Variants in MDGA1 observed in about 807,000 individuals in gnomAD.
MDGA1 encodes MAM domain-containing glycosylphosphatidylinositol anchor protein 1.
MDGA1 carries 54 observed loss-of-function variants against 101.5 expected under a neutral mutation model. The observed-to-expected ratio is 0.53, with a 90% CI of 0.43 to 0.67. The LOEUF is 0.67. Among genes scored for constraint, MDGA1 ranks in the 30% least tolerant of loss-of-function variants. The pLI is 0.00. For synonymous variants in MDGA1, 533 were observed against 558.3 expected (o/e 0.95, Z 0.64); for missense variants, 1,083 against 1,323.8 (o/e 0.82, Z 2.82).
At position 37,649,283 on chromosome 6, in the gene MDGA1, C is replaced by T; in HGVS notation, c.1610-17G>A. The T allele has an allele frequency of 6.8e-7, 1 of 1,467,630 alleles. No individual in the cohort carries two copies. The highest frequency in any genetic ancestry group is 1.5e-5 in the African/African-American group (1 of 68,024). 90.9% of individuals were successfully genotyped at this position (1,467,630 alleles called of 1,614,324 possible). A position where few individuals can be genotyped will look rare whatever the true frequency, so the allele number is the denominator to read the frequency against. On this transcript the variant is annotated splice_polypyrimidine_tract_variant and intron_variant, in intron 8 of 16. Coordinates refer to ENST00000434837, the MANE Select transcript of MDGA1 (RefSeq NM_153487.4). ...CCGGCGGGACTGGGGGCGGGAGCGG[C>T]GGTCAGCGGGGCCTCTCCCCAGCGA...
At chr6:37,681,651 G>A (rs1258483813) in intron 1 of MDGA1, among the ~76,000 whole-genome samples, 1 of 152,228 alleles carries the variant, frequency 6.6e-6, no homozygotes, top group East Asian at 1.9e-4. Context: ...CAAATAATGT[G>A]CACTTGCACG....
At chr6:37,637,899 G>T in intron 16 of MDGA1, 1 of 528,628 alleles carries the variant, frequency 1.9e-6, no homozygotes, top group East Asian at 3.1e-5. Flanking sequence ...GAAGGCACAC[G>T]TTCACCTCTG....
At position 37,664,846 on chromosome 6, in the gene MDGA1, C is replaced by G. The variant is rs189505848; in HGVS notation, c.68-740G>C. Among the ~76,000 whole-genome samples the G allele has an allele frequency of 8.4e-3, 528 of 62,602 alleles. 2 individuals are homozygous for G. Among genetic ancestry groups the G allele is most frequent in the Middle Eastern group, 0.019 (2 of 104 alleles). 41.1% of individuals were successfully genotyped at this position (62,602 alleles called of 152,430 possible). ...CTTTTAGAGAGCCTAACCTAAGACA[C>G]ACACACACACACACACACACACACA... is the stretch of plus-strand genomic sequence containing the variant. On this transcript the variant is annotated intron_variant, in intron 1 of 16. Coordinates refer to ENST00000434837, the MANE Select transcript of MDGA1 (RefSeq NM_153487.4).
intron 1 of MDGA1, among the ~76,000 whole-genome samples, chr6:37,695,531 C>T (rs544222578): frequency 6.6e-6 from 1 of 152,352 alleles, no homozygotes; most frequent in East Asian, 1.9e-4. Context: ...GGGCCAGGAG[C>T]ATGTCACCTC....
Position 37,638,771 on chromosome 6 carries a change from C to T in MDGA1, c.2537-104G>A. On this transcript the variant is annotated intron_variant, in intron 14 of 16. Transcript: ENST00000434837. The surrounding 1 kb of genome is among the most constrained non-coding windows in gnomAD (Gnocchi z 4.8). ...CTCCCACCATAGCCTGCAGCCCTGT[C>T]CCTGTTGACAGGACCTCCTCCCCAT... is the stretch of plus-strand genomic sequence containing the variant. The T allele has an allele frequency of 6.8e-7, 1 of 1,465,218 alleles. No individual in the cohort carries two copies. Among genetic ancestry groups the T allele is most frequent in the African/African-American group, 1.4e-5 (1 of 71,658 alleles). 90.8% of individuals were successfully genotyped at this position (1,465,218 alleles called of 1,614,324 possible).
chr6:37,658,973 A>AG (rs1230314521), intron 2 of MDGA1, among the ~76,000 whole-genome samples: 1 of 111,082 alleles, frequency 9.0e-6, no homozygotes, highest in African/African-American at 2.6e-5. Flanking sequence ...TGTTTCAAAA[A>AG]AAAAAAAAAA....
intron 2 of MDGA1, among the ~76,000 whole-genome samples, chr6:37,659,318 A>G (rs1483584164): frequency 1.3e-5 from 2 of 152,234 alleles, no homozygotes; most frequent in African/African-American, 2.4e-5. Context: ...CATGATTAAT[A>G]CACCATGATA....
At position 37,670,845 on chromosome 6, in the gene MDGA1, G is replaced by A. The variant is rs17577890; in HGVS notation, c.68-6739C>T. 4.6e-3 allele frequency among the ~76,000 whole-genome samples: 696 copies of A among 152,294 alleles called. 1 individual carries two copies. The highest frequency in any genetic ancestry group is 0.014 in the Middle Eastern group (4 of 294). ...TGGCAGAGAAGGAGACCAATGCCTG[G>A]AAGAGGAACCGTCTTGTCCAAGTCA... is the stretch of plus-strand genomic sequence containing the variant. On this transcript the variant is annotated intron_variant, in intron 1 of 16. Transcript: ENST00000434837.
intron 2 of MDGA1, among the ~76,000 whole-genome samples, chr6:37,660,900 T>A (rs1761608812): frequency 6.6e-6 from 1 of 152,234 alleles, no homozygotes; most frequent in Non-Finnish European, 1.5e-5. Context: ...GTATAGGTGG[T>A]TGCCTATACC....
In MDGA1 at chr6:37,638,266, G is replaced by T. The variant is rs948056320; in HGVS notation, c.2715C>A (p.Ala905=). The T allele has an allele frequency of 1.2e-6, 2 of 1,613,554 alleles. No homozygotes were observed. Among genetic ancestry groups the T allele is most frequent in the Non-Finnish European group, 1.7e-6 (2 of 1,179,768 alleles). ...VRGPGYLGDI[A]IDDVTLKKGE... is the part of the protein sequence containing the mutation. ...CCTTCTTCAGTGTGACGTCATCTAT[G>T]GCAATATCCCCCAGGTAGCCCGGGC... Residue 905 remains alanine (A), a synonymous_variant, in exon 16 of 17, where the codon GCC becomes GCA. Transcript: ENST00000434837. The surrounding 1 kb of genome is among the most constrained non-coding windows in gnomAD (Gnocchi z 4.8).
chr6:37,693,646 A>C (rs964715193), intron 1 of MDGA1, among the ~76,000 whole-genome samples: 1 of 152,242 alleles, frequency 6.6e-6, no homozygotes, highest in Non-Finnish European at 1.5e-5. Flanking sequence ...CGCTATCCGC[A>C]TGCAAGATAT....
At chr6:37,684,118 G>C (rs1193173424) in intron 1 of MDGA1, among the ~76,000 whole-genome samples, 2 of 152,204 alleles carry the variant, frequency 1.3e-5, no homozygotes, top group Admixed American at 1.3e-4. Flanking sequence ...TCGGGAGAAG[G>C]CTTAGGGCTG....
Position 37,697,286 on chromosome 6 carries a change from A to C in MDGA1, c.-475T>G, listed in dbSNP as rs1197117144. The C allele has an allele frequency of 1.9e-5, 3 of 154,114 alleles. No individual in the cohort carries two copies. The highest frequency in any genetic ancestry group is 3.8e-4 in the East Asian group (2 of 5,206). 9.5% of individuals were successfully genotyped at this position (154,114 alleles called of 1,614,324 possible). The stretch of plus-strand genomic sequence containing the variant: ...GCCGGGGCTCCGCTCGAGTTAATCA[A>C]TCTGCTGTTTCCAGTCCTGCGGCCG... On this transcript the variant is annotated 5_prime_UTR_variant, in exon 1 of 17. Transcript: ENST00000434837.
rs1274030965 is a variant in MDGA1, at chr6:37,638,124, A to G, written c.2776+81T>C. ...TCTGAACCCCTATTCAGACCCAAAC[A>G]CCCTCCCTCAACAGACAGGAACCCC... On this transcript the variant is annotated intron_variant, in intron 16 of 16. Coordinates refer to ENST00000434837, the MANE Select transcript of MDGA1 (RefSeq NM_153487.4). The surrounding 1 kb of genome is among the most constrained non-coding windows in gnomAD (Gnocchi z 4.8). The G allele has an allele frequency of 8.7e-7, 1 of 1,150,730 alleles. No individual in the cohort carries two copies. Among genetic ancestry groups the G allele is most frequent in the South Asian group, 1.3e-5 (1 of 77,482 alleles). 71.3% of individuals were successfully genotyped at this position (1,150,730 alleles called of 1,614,324 possible). A position where few individuals can be genotyped will look rare whatever the true frequency, so the allele number is the denominator to read the frequency against.
intron 1 of MDGA1, among the ~76,000 whole-genome samples, chr6:37,666,820 C>A (rs1177937297): frequency 6.6e-6 from 1 of 152,164 alleles, no homozygotes; most frequent in Non-Finnish European, 1.5e-5. Flanking sequence ...ACAGAGGGGT[C>A]CATGGAAAAG....
At chr6:37,640,303 C>T (rs75565032) in intron 14 of MDGA1, among the ~76,000 whole-genome samples, 1 of 152,076 alleles carries the variant, frequency 6.6e-6, no homozygotes, top group East Asian at 1.9e-4. Flanking sequence ...TACAGTTCTG[C>T]TTGGCTTTAG....
At chr6:37,644,714 C>T in intron 12 of MDGA1, 65 bp from the exon 13 acceptor site, 7 of 1,402,270 alleles carry the variant, frequency 5.0e-6, no homozygotes, top group Non-Finnish European at 6.5e-6. Context: ...CCAGCCTCGC[C>T]CCTCTCACCC....
Position 37,654,449 on chromosome 6 carries a change from G to A in MDGA1, c.807C>T (p.Pro269=). 6.2e-7 allele frequency: 1 copy of A among 1,613,998 alleles called. No individual in the cohort carries two copies. Among genetic ancestry groups the A allele is most frequent in the South Asian group, 1.1e-5 (1 of 91,074 alleles). ...CATGGGACCACTGCAGCTGGGGGAG[G>A]GGATCACCGCCTGTCAGCAGACACT... ...TVQCLLTGGD[P]LPQLQWSHGP... is the part of the protein sequence containing the mutation. Residue 269 remains proline, a synonymous_variant, in exon 6 of 17, where the codon CCC becomes CCT. Coordinates refer to ENST00000434837, the MANE Select transcript of MDGA1 (RefSeq NM_153487.4).
rs1762447962 is a variant in MDGA1, at chr6:37,697,585, T to C, written c.-774A>G. On this transcript the variant is annotated 5_prime_UTR_variant, in exon 1 of 17. Coordinates refer to ENST00000434837, the MANE Select transcript of MDGA1 (RefSeq NM_153487.4). Reference sequence around the variant, plus strand: ...GGGGAAAGGAGGAAAGTTTGAGTCTTTTGAAAAATATTCGCGCTCTCGCCC... The same window carrying C: ...GGGGAAAGGAGGAAAGTTTGAGTCTCTTGAAAAATATTCGCGCTCTCGCCC... 1 of 152,030 alleles carries C rather than the reference T, an allele frequency of 6.6e-6. No homozygotes were observed. The highest frequency in any genetic ancestry group is 2.1e-4 in the South Asian group (1 of 4,828). The allele number at this position is 152,030 out of a possible 1,614,324, so 9.4% of individuals were successfully genotyped here.
Sources: gnomAD v4.1 joint callset for allele counts (sites outside exome capture counted in the v4.1 genomes callset) on GRCh38, gnomAD v4.1.1 for gene constraint, Gnocchi (gnomAD v3.1) non-coding constraint, MANE v1.5 for transcripts, NCBI Gene and HGNC (gene_info 2026-07-23, HGNC 2026-07-21) for gene names.